UBAC1: variants seen among roughly 807,000 people sequenced by gnomAD.
The protein encoded by UBAC1 is ubiquitin-associated domain-containing protein 1.
UBAC1 carries 27 observed loss-of-function variants against 45.9 expected under a neutral mutation model. That is an observed-to-expected ratio of 0.59 (90% confidence interval 0.43 to 0.81). The LOEUF (loss-of-function observed/expected upper bound fraction) is 0.81. UBAC1 is among the 30% of genes least tolerant of loss of function. The pLI, the probability that UBAC1 is intolerant of heterozygous loss-of-function variation, is 0.00. For synonymous variants in UBAC1, 227 were observed against 215.5 expected, an observed-to-expected ratio of 1.05 and a Z score of -0.47; for missense variants, 529 against 539.2, an observed-to-expected ratio of 0.98 and a Z score of 0.19.
intron 9 of UBAC1, among the ~76,000 whole-genome samples, chr9:135,934,762 T>G (rs1839184287): frequency 6.6e-6 from 1 of 152,246 alleles, no homozygotes; most frequent in Non-Finnish European, 1.5e-5. Context: ...ATTTCCCATT[T>G]CCTCTCAATA....
At chr9:135,958,801 G>A (rs1839497287) in intron 1 of UBAC1, among the ~76,000 whole-genome samples, 1 of 152,184 alleles carries the variant, frequency 6.6e-6, no homozygotes, top group Non-Finnish European at 1.5e-5. Flanking sequence ...TGTGGTGGTG[G>A]GGAACCTTTC....
intron 7 of UBAC1, 112 bp from the exon 8 acceptor site, chr9:135,939,871 A>G (rs1839248072): frequency 1.2e-6 from 1 of 804,130 alleles, no homozygotes; most frequent in Non-Finnish European, 2.1e-6. Flanking sequence ...TGCTCCCAAC[A>G]GCACTGAGGA....
chr9:135,945,160 C>T lies in UBAC1; in HGVS notation c.744G>A (p.Glu248=), dbSNP rs1167380544. ...DTPLPGQAPP[E]AEGATAAASE... ...AGGCAGCTGCTGTGGCCCCCTCGGC[C>T]TCTGGGGGAGCTTGGCCAGGAAGAG... Residue 248 remains glutamate (E), a synonymous_variant, in exon 7 of 10, where the codon GAG becomes GAA. Transcript: ENST00000371756. 13 of 1,613,748 alleles carry T rather than the reference C, an allele frequency of 8.1e-6. No homozygotes were observed. Among genetic ancestry groups the T allele is most frequent in the South Asian group, 1.1e-5 (1 of 90,990 alleles).
chr9:135,947,527 GT>G (rs1839352661), intron 4 of UBAC1: 2 of 383,518 alleles, frequency 5.2e-6, no homozygotes, highest in African/African-American at 2.1e-5. Flanking sequence ...CTATCTAAAC[GT>G]TTTGCCAAAC....
intron 3 of UBAC1, among the ~76,000 whole-genome samples, chr9:135,950,705 G>A (rs566258009): frequency 2.0e-5 from 3 of 152,138 alleles, no homozygotes; most frequent in Non-Finnish European, 2.9e-5. Context: ...TCTTCATTAA[G>A]AAGTCAATAG....
At chr9:135,952,259 C>T (rs1839414328) in intron 3 of UBAC1, among the ~76,000 whole-genome samples, 1 of 152,276 alleles carries the variant, frequency 6.6e-6, no homozygotes, top group Non-Finnish European at 1.5e-5. Flanking sequence ...ATAGCTTATG[C>T]ACTACCAGGC....
At position 135,945,651 on chromosome 9, in the gene UBAC1, C is replaced by T. The variant is rs887192331; in HGVS notation, c.653+238G>A. 12 of 570,154 alleles carry T rather than the reference C, an allele frequency of 2.1e-5. No homozygotes were observed. The Admixed American group carries it at 2.7e-4, about 13-fold the overall frequency. The allele number at this position is 570,154 out of a possible 1,614,324, so 35.3% of individuals were successfully genotyped here. Reference sequence around the variant, plus strand: ...TTAGAGGCCGTGTCCCTGCTACGAACGGGATTCACCTTGAGTTCTCATACA... The same window carrying T: ...TTAGAGGCCGTGTCCCTGCTACGAATGGGATTCACCTTGAGTTCTCATACA... On this transcript the variant is annotated intron_variant, in intron 6 of 9. Coordinates refer to ENST00000371756, the MANE Select transcript of UBAC1 (RefSeq NM_016172.3).
At chr9:135,952,746 C>T (rs1159407422) in intron 3 of UBAC1, among the ~76,000 whole-genome samples, 6 of 152,292 alleles carry the variant, frequency 3.9e-5, no homozygotes, top group East Asian at 1.9e-4. Flanking sequence ...TTTCGGATTT[C>T]GGGTTTTTTC....
At chr9:135,947,010 C>T (rs1474627243) in intron 4 of UBAC1, among the ~76,000 whole-genome samples, 1 of 152,190 alleles carries the variant, frequency 6.6e-6, no homozygotes, top group Non-Finnish European at 1.5e-5. Flanking sequence ...CCACCATGCC[C>T]TGGTCAGCAC....
In UBAC1 at chr9:135,939,676, G is replaced by A. The variant is rs534839504; in HGVS notation, c.960C>T (p.Ala320=). 17 of 1,612,794 alleles carry A rather than the reference G, an allele frequency of 1.1e-5. No homozygotes were observed. Among genetic ancestry groups the A allele is most frequent in the East Asian group, 4.5e-5 (2 of 44,872 alleles). The part of the protein sequence containing the change: ...ALRVNNNQQN[A]ACEWLLGDRK... Reference sequence around the variant, plus strand: ...CTCACCACAGCCCAACACTCACCGCGGCATTCTGCTGGTTGTTGTTCACTC... The same window carrying A: ...CTCACCACAGCCCAACACTCACCGCAGCATTCTGCTGGTTGTTGTTCACTC... The change falls in exon 8 of 10, where the codon GCC becomes GCT. Residue 320 remains alanine (A), a synonymous_variant. Coordinates refer to ENST00000371756, the MANE Select transcript of UBAC1 (RefSeq NM_016172.3).
chr9:135,950,559 TAAG>T (rs1437311025), intron 3 of UBAC1, among the ~76,000 whole-genome samples: 2 of 152,170 alleles, frequency 1.3e-5, no homozygotes, highest in Admixed American at 6.5e-5. Flanking sequence ...TACAGCTGTG[TAAG>T]AAGGATAGAT....
In UBAC1 at chr9:135,938,294, T is replaced by C. The variant is rs767901096; in HGVS notation, c.1030A>G (p.Ser344Gly). The C allele has an allele frequency of 6.2e-7, 1 of 1,614,194 alleles. No individual in the cohort carries two copies. Among genetic ancestry groups the C allele is most frequent in the Non-Finnish European group, 8.5e-7 (1 of 1,180,046 alleles). Residue 344 changes from serine (S) to glycine (G), a missense_variant, in exon 9 of 10, where the codon AGT (serine) becomes GGT (glycine). Ser to Gly is a moderately conservative substitution (Grantham distance 56). Coordinates refer to ENST00000371756, the MANE Select transcript of UBAC1 (RefSeq NM_016172.3). ...TCCAGGATGGCCTGAAAGAGAGGAC[T>C]GTCGGGGTCGATGCCCTTGTCCAGC... ...EELDKGIDPD[S>G]PLFQAILDNP...
chr9:135,943,125 A>G (rs1472085132), intron 7 of UBAC1, among the ~76,000 whole-genome samples: 2 of 152,210 alleles, frequency 1.3e-5, no homozygotes, highest in Admixed American at 1.3e-4. Flanking sequence ...ACTCTTCTCA[A>G]AAGAAGACAG....
intron 1 of UBAC1, among the ~76,000 whole-genome samples, chr9:135,957,372 C>A: frequency 1.3e-5 from 2 of 152,116 alleles, no homozygotes; most frequent in Non-Finnish European, 2.9e-5. Flanking sequence ...AGTTTGCAGG[C>A]TAGTTCATTT....
chr9:135,948,502 G>A (rs1839366291), intron 3 of UBAC1, among the ~76,000 whole-genome samples: 1 of 152,258 alleles, frequency 6.6e-6, no homozygotes, highest in South Asian at 2.1e-4. Flanking sequence ...CAAGGAGCGA[G>A]CCTCAGGAGC....
At chr9:135,951,417 G>C (rs1268697040) in intron 3 of UBAC1, among the ~76,000 whole-genome samples, 1 of 149,994 alleles carries the variant, frequency 6.7e-6, no homozygotes, top group Non-Finnish European at 1.5e-5. Context: ...TTGAGCCCAG[G>C]AGGTCAAGGT....
chr9:135,939,725 T>G lies in UBAC1; in HGVS notation c.911A>C (p.Glu304Ala), dbSNP rs1839246297. The G allele has an allele frequency of 6.2e-7, 1 of 1,614,050 alleles. No homozygotes were observed. The highest frequency in any genetic ancestry group is 8.5e-7 in the Non-Finnish European group (1 of 1,179,898). ...VISLMEMGFD[E>A]KEVIDALRVN... ...TCTGAGGGCATCTATCACCTCTTTC[T>G]CGTCGAACCCCATCTCCATCAGGGA... The change falls in exon 8 of 10, where the codon GAG becomes GCG. Residue 304 changes from glutamate (E) to alanine (A), a missense_variant. By Grantham distance (107) the Glu-to-Ala change is moderately radical. Coordinates refer to ENST00000371756, the MANE Select transcript of UBAC1 (RefSeq NM_016172.3).
At chr9:135,941,298 C>T (rs1026419552) in intron 7 of UBAC1, among the ~76,000 whole-genome samples, 8 of 152,052 alleles carry the variant, frequency 5.3e-5, no homozygotes, top group Admixed American at 1.3e-4. Context: ...CCCAGCTACT[C>T]GGGAGCCTGA....
At chr9:135,956,429 G>A (rs75861826) in intron 1 of UBAC1, among the ~76,000 whole-genome samples, 2,820 of 152,252 alleles carry the variant, frequency 0.019, 43 homozygotes, top group Non-Finnish European at 0.03. Context: ...TAGGCGCGTC[G>A]GCTCACCATT....
Sources: allele counts gnomAD v4.1 joint callset (sites outside exome capture counted in the v4.1 genomes callset), GRCh38; gene constraint gnomAD v4.1.1; transcripts MANE v1.5; gene names NCBI Gene and HGNC (gene_info 2026-07-23, HGNC 2026-07-21).